ACYP2: variants seen among roughly 807,000 people sequenced by gnomAD.
The protein encoded by ACYP2 is acylphosphatase 2, also known as acylphosphatase-2.
A neutral mutation model predicts 11.2 loss-of-function variants in ACYP2; 12 were observed. That is an observed-to-expected ratio of 1.08 (90% CI 0.69 to 1.74). The LOEUF (loss-of-function observed/expected upper bound fraction) is 1.74, where lower values mean the gene tolerates loss of function less well. Among genes scored for constraint, ACYP2 ranks in the 40% most tolerant of loss-of-function variants. The pLI is 0.00. For missense variants in ACYP2, 134 were observed against 101.9 expected, an observed-to-expected ratio of 1.31 and a Z score of -1.35; for synonymous variants, 43 against 32.2, an observed-to-expected ratio of 1.33 and a Z score of -1.13.
intron 6 of ACYP2, among the ~76,000 whole-genome samples, chr2:54,281,018 A>T (rs1277228512): frequency 1.3e-5 from 2 of 152,238 alleles, no homozygotes; most frequent in Non-Finnish European, 2.9e-5. Flanking sequence ...CTATGAGGCT[A>T]GGTCTTTTCA....
chr2:53,975,327 A>G, intron 2 of ACYP2: 1 of 398,588 alleles, frequency 2.5e-6, no homozygotes, highest in Middle Eastern at 6.3e-4. Context: ...GGAGCAAGCA[A>G]AATAAGGTCT....
At chr2:54,188,482 T>G (rs1473796299) in intron 6 of ACYP2, among the ~76,000 whole-genome samples, 1 of 152,214 alleles carries the variant, frequency 6.6e-6, no homozygotes, top group Admixed American at 6.5e-5. Context: ...ATATTCGAAC[T>G]TTCTAAAATG....
chr2:54,140,860 TGTTG>T (rs1481652335), intron 6 of ACYP2, among the ~76,000 whole-genome samples: 1 of 152,214 alleles, frequency 6.6e-6, no homozygotes, highest in Non-Finnish European at 1.5e-5. Context: ...GAGTGTGATT[TGTTG>T]GTTGAAGTGG....
At chr2:54,261,936 G>A (rs1055399298) in intron 6 of ACYP2, among the ~76,000 whole-genome samples, 10 of 152,158 alleles carry the variant, frequency 6.6e-5, no homozygotes, top group East Asian at 1.9e-4. Context: ...AGCTGCAGTC[G>A]TCTTTATTGT....
At chr2:54,279,377 A>G (rs547027612) in intron 6 of ACYP2, among the ~76,000 whole-genome samples, 1 of 152,378 alleles carries the variant, frequency 6.6e-6, no homozygotes, top group East Asian at 1.9e-4. Flanking sequence ...AGCCTACCAC[A>G]TATACCGAGG....
chr2:54,121,497 A>G (rs1322968895), intron 4 of ACYP2, among the ~76,000 whole-genome samples: 1 of 152,242 alleles, frequency 6.6e-6, no homozygotes, highest in Non-Finnish European at 1.5e-5. Context: ...AACTGAGATG[A>G]ATACCATATT....
chr2:54,009,166 A>AAT (rs563332700), intron 2 of ACYP2, among the ~76,000 whole-genome samples: 7 of 151,308 alleles, frequency 4.6e-5, no homozygotes, highest in South Asian at 2.1e-4. Context: ...AAAAAAAAAA[A>AAT]TTCAGACAGC....
intron 6 of ACYP2, chr2:54,255,264 G>C: frequency 6.2e-7 from 1 of 1,614,186 alleles, no homozygotes; most frequent in Non-Finnish European, 8.5e-7. Context: ...TTTGAAAGAA[G>C]AACTTAAACT....
At chr2:54,074,944 A>G (rs1677249720) in intron 4 of ACYP2, among the ~76,000 whole-genome samples, 1 of 152,200 alleles carries the variant, frequency 6.6e-6, no homozygotes, top group South Asian at 2.1e-4. Context: ...CCCCACAGTA[A>G]CATCCAGAAT....
intron 2 of ACYP2, among the ~76,000 whole-genome samples, chr2:54,038,711 A>G (rs1317960509): frequency 4.4e-5 from 5 of 113,694 alleles, no homozygotes; most frequent in Non-Finnish European, 9.4e-5. Flanking sequence ...ATATATATAT[A>G]TACTCTTCTA....
intron 6 of ACYP2, among the ~76,000 whole-genome samples, chr2:54,268,599 C>T (rs888291731): frequency 2.8e-5 from 4 of 144,082 alleles, no homozygotes; most frequent in African/African-American, 1.0e-4. Context: ...CCCAGGAGTT[C>T]GAAACCAGCC....
intron 6 of ACYP2, among the ~76,000 whole-genome samples, chr2:54,187,107 T>C (rs1684041943): frequency 6.6e-6 from 1 of 152,166 alleles, no homozygotes. Context: ...GAAGAAAATT[T>C]GGCAGCCTGA....
intron 6 of ACYP2, among the ~76,000 whole-genome samples, chr2:54,229,552 T>C (rs1301108818): frequency 6.6e-6 from 1 of 152,194 alleles, no homozygotes; most frequent in South Asian, 2.1e-4. Context: ...ACATTCAAGA[T>C]AGTACTTTTA....
chr2:54,011,168 C>G (rs1004196916), intron 2 of ACYP2, among the ~76,000 whole-genome samples: 5 of 151,998 alleles, frequency 3.3e-5, no homozygotes, highest in African/African-American at 1.2e-4. Context: ...GCTTAAATAT[C>G]CAAGTAATCA....
At chr2:54,184,318 G>A (rs905433568) in intron 6 of ACYP2, among the ~76,000 whole-genome samples, 9 of 152,090 alleles carry the variant, frequency 5.9e-5, no homozygotes, top group Admixed American at 1.3e-4. Flanking sequence ...AGTTCTAAGC[G>A]CCACATTCGG....
rs188347523 is a variant in ACYP2, at chr2:54,278,106, T to C, written c.405-26582T>C. The stretch of plus-strand genomic sequence containing the variant: ...CATTCTCCCGCCTCAGCCTCCTGAG[T>C]AGCTGGGACTACAGGCGCCCGCCAC... On this transcript the variant is annotated intron_variant, in intron 6 of 6. Transcript: ENST00000607452. Among the ~76,000 whole-genome samples the C allele has an allele frequency of 8.6e-3, 1,308 of 152,202 alleles. 19 individuals are homozygous for C. The highest frequency in any genetic ancestry group is 0.03 in the African/African-American group (1,255 of 41,524).
At chr2:54,186,796 G>A (rs963850263) in intron 6 of ACYP2, among the ~76,000 whole-genome samples, 1 of 152,092 alleles carries the variant, frequency 6.6e-6, no homozygotes, top group Non-Finnish European at 1.5e-5. Context: ...TTACAGGTGT[G>A]AGCCACCGTA....
intron 2 of ACYP2, among the ~76,000 whole-genome samples, chr2:54,028,251 G>A (rs1558480750): frequency 6.6e-6 from 1 of 152,042 alleles, no homozygotes; most frequent in Admixed American, 6.6e-5. Context: ...ATATTTTGTA[G>A]AATGTTCTTC....
At chr2:54,047,341 A>C (rs1675578340) in intron 2 of ACYP2, among the ~76,000 whole-genome samples, 1 of 152,178 alleles carries the variant, frequency 6.6e-6, no homozygotes, top group Non-Finnish European at 1.5e-5. Flanking sequence ...AAAGAGTTGA[A>C]CTCTAACCAA....
Sources: gnomAD v4.1 joint callset for allele counts (sites outside exome capture counted in the v4.1 genomes callset) on GRCh38, gnomAD v4.1.1 for gene constraint, MANE v1.5 for transcripts, NCBI Gene and HGNC (gene_info 2026-07-23, HGNC 2026-07-21) for gene names.